The following ATF6 variants were observed in gnomAD, a reference collection of about 807,000 sequenced individuals.
ATF6 encodes cyclic AMP-dependent transcription factor ATF-6 alpha.
A neutral mutation model predicts 83.6 loss-of-function variants in ATF6; 53 were observed. The ratio of observed to expected loss-of-function variants is 0.63; its 90% confidence interval spans 0.51 to 0.80. The LOEUF (loss-of-function observed/expected upper bound fraction) is 0.80, where lower values mean the gene tolerates loss of function less well. Ranked by LOEUF, ATF6 falls within the 30% of genes least tolerant of loss-of-function variation. The pLI is 0.00. For missense variants in ATF6, 744 were observed against 797.9 expected, an observed-to-expected ratio of 0.93 and a Z score of 0.81; for synonymous variants, 288 against 285.8, an observed-to-expected ratio of 1.01 and a Z score of -0.08.
chr1:161,948,775 C>T (rs902747496), intron 15 of ATF6, among the ~76,000 whole-genome samples: 2 of 152,158 alleles, frequency 1.3e-5, no homozygotes, highest in Admixed American at 1.3e-4. Context: ...AATCCAGACA[C>T]CTTTATGAGG....
chr1:161,869,254 T>A (rs1283225414), intron 14 of ATF6, among the ~76,000 whole-genome samples: 8 of 152,052 alleles, frequency 5.3e-5, no homozygotes, highest in Non-Finnish European at 1.2e-4. Context: ...TGTTATTTAT[T>A]TCTTAGAAAT....
intron 12 of ATF6, among the ~76,000 whole-genome samples, chr1:161,855,735 C>T (rs1234413306): frequency 1.3e-5 from 2 of 152,060 alleles, no homozygotes; most frequent in African/African-American, 4.8e-5. Flanking sequence ...AAAATTCAAG[C>T]AAAGAAAGTT....
chr1:161,942,744 A>G (rs1463431231), intron 15 of ATF6, among the ~76,000 whole-genome samples: 2 of 152,242 alleles, frequency 1.3e-5, no homozygotes, highest in Non-Finnish European at 2.9e-5. Flanking sequence ...TCATGATGCT[A>G]CTACTCCGAC....
chr1:161,791,588 G>A, intron 5 of ATF6, 51 bp downstream of exon 5: 1 of 1,530,932 alleles, frequency 6.5e-7, no homozygotes, highest in Non-Finnish European at 8.7e-7. Flanking sequence ...ATTGAGCTTA[G>A]GTTCCATTTC....
intron 7 of ATF6, among the ~76,000 whole-genome samples, chr1:161,803,237 A>T (rs1020009633): frequency 4.6e-5 from 7 of 152,214 alleles, no homozygotes; most frequent in Non-Finnish European, 8.8e-5. Flanking sequence ...TTTAATTATA[A>T]AATTGCTCCA....
chr1:161,930,051 G>T (rs1184641300), intron 15 of ATF6, among the ~76,000 whole-genome samples: 10 of 152,158 alleles, frequency 6.6e-5, no homozygotes, highest in African/African-American at 2.4e-4. Context: ...AAATGAGAAG[G>T]TTGAGGTAGG....
At chr1:161,782,087 G>A in intron 3 of ATF6, 88 bp downstream of exon 3, 1 of 846,984 alleles carries the variant, frequency 1.2e-6, no homozygotes, top group Non-Finnish European at 1.9e-6. Flanking sequence ...GGGGTTATTG[G>A]GCTATTCTGG....
chr1:161,808,297 G>A (rs1557971443), intron 7 of ATF6, among the ~76,000 whole-genome samples: 1 of 151,966 alleles, frequency 6.6e-6, no homozygotes, highest in Admixed American at 6.6e-5. Context: ...AAACCTTGTG[G>A]GGACTCATTC....
chr1:161,884,667 A>T (rs568343944), intron 14 of ATF6, among the ~76,000 whole-genome samples: 1 of 152,300 alleles, frequency 6.6e-6, no homozygotes, highest in South Asian at 2.1e-4. Flanking sequence ...TCCAGCAATG[A>T]GCAAAGCAAA....
intron 2 of ATF6, 26 bp downstream of exon 2, chr1:161,778,346 TGTGATATTTA>T (rs767854145): frequency 6.3e-7 from 1 of 1,578,606 alleles, no homozygotes; most frequent in South Asian, 1.1e-5. Context: ...GGTTGAATAA[TGTGATATTTA>T]GTCTTTAACC....
intron 4 of ATF6, among the ~76,000 whole-genome samples, chr1:161,788,658 A>G (rs1251455155): frequency 2.6e-5 from 4 of 151,840 alleles, no homozygotes; most frequent in Admixed American, 6.6e-5. Flanking sequence ...TCTTTTATTA[A>G]CCATATGGTT....
chr1:161,892,522 G>A (rs2341468), intron 14 of ATF6, among the ~76,000 whole-genome samples: 137,329 of 152,212 alleles, frequency 0.9, 62,095 homozygotes, highest in African/African-American at 0.96. Flanking sequence ...TGTGTATCCT[G>A]TAATACTTTT....
chr1:161,870,095 G>A (rs144883425), intron 14 of ATF6, among the ~76,000 whole-genome samples: 336 of 151,472 alleles, frequency 2.2e-3, no homozygotes, highest in African/African-American at 7.8e-3. Flanking sequence ...TACAGCATAT[G>A]TAAATAAATT....
At chr1:161,945,942 A>G (rs1454825500) in intron 15 of ATF6, among the ~76,000 whole-genome samples, 1 of 152,138 alleles carries the variant, frequency 6.6e-6, no homozygotes, top group East Asian at 1.9e-4. Flanking sequence ...CTCCTGCTTA[A>G]GTACTTACGT....
chr1:161,920,292 C>CTTTTTTTTTTTT (rs1322896918), intron 15 of ATF6, among the ~76,000 whole-genome samples: 27 of 19,792 alleles, frequency 1.4e-3, no homozygotes, highest in African/African-American at 4.1e-3. Context: ...CTCTCTCTCT[C>CTTTTTTTTTTTT]TCTTTTTTTT....
Position 161,773,030 on chromosome 1 carries a change from C to T in ATF6, c.83-5214C>T, listed in dbSNP as rs1168209363. ...TTGCCCAGGCTAGAGTGCAATGGCA[C>T]GATCTTGGCTCACTGTAACCTCCAC... is the stretch of plus-strand genomic sequence containing the variant. On this transcript the variant is annotated intron_variant, in intron 1 of 15. Transcript: ENST00000367942. Among the ~76,000 whole-genome samples the T allele has an allele frequency of 6.1e-5, 9 of 147,348 alleles. No individual in the cohort carries two copies. In the South Asian group the frequency reaches 1.1e-3, roughly 18 times the overall value.
intron 10 of ATF6, among the ~76,000 whole-genome samples, chr1:161,848,986 G>A (rs935204618): frequency 2.7e-5 from 4 of 150,812 alleles, no homozygotes; most frequent in African/African-American, 9.8e-5. Flanking sequence ...AAGCCAGTTA[G>A]CACAGATGTG....
chr1:161,849,818 C>T lies in ATF6; in HGVS notation c.1320-1904C>T, dbSNP rs183859753. 3.6e-3 allele frequency among the ~76,000 whole-genome samples: 555 copies of T among 152,282 alleles called. 6 individuals carry two copies. Among genetic ancestry groups the T allele is most frequent in the Non-Finnish European group, 4.9e-3 (331 of 68,010 alleles). On this transcript the variant is annotated intron_variant, in intron 10 of 15. Coordinates refer to ENST00000367942, the MANE Select transcript of ATF6 (RefSeq NM_007348.4). ...GTCACATATCCAATAGTCTCTTTGA[C>T]ATCTCTGTTTTAACATTTCAAACTT...
At chr1:161,861,685 A>G (rs1384026936) in intron 13 of ATF6, among the ~76,000 whole-genome samples, 1 of 152,204 alleles carries the variant, frequency 6.6e-6, no homozygotes, top group African/African-American at 2.4e-5. Context: ...CCCTAATATT[A>G]GCAGTGCTTT....
Sources: allele counts gnomAD v4.1 joint callset (sites outside exome capture counted in the v4.1 genomes callset), GRCh38; gene constraint gnomAD v4.1.1; transcripts MANE v1.5; gene names NCBI Gene and HGNC (gene_info 2026-07-23, HGNC 2026-07-21).